Variants in EPB41L1 observed in about 807,000 individuals in gnomAD.
EPB41L1 encodes band 4.1-like protein 1.
In EPB41L1, 29 loss-of-function variants were observed where a neutral mutation model predicts 97.8. The observed-to-expected ratio is 0.30, with a 90% CI of 0.22 to 0.40. The LOEUF is 0.40. Ranked by LOEUF, EPB41L1 falls within the 10% of genes least tolerant of loss-of-function variation. EPB41L1 has a pLI of 1.00. For synonymous variants in EPB41L1, 383 were observed against 459.2 expected, an observed-to-expected ratio of 0.83 and a Z score of 2.12; for missense variants, 812 against 1,162.3, an observed-to-expected ratio of 0.70 and a Z score of 4.38.
At chr20:36,124,463 C>T (rs1052531435) in intron 2 of EPB41L1, among the ~76,000 whole-genome samples, 2 of 152,118 alleles carry the variant, frequency 1.3e-5, no homozygotes, top group African/African-American at 2.4e-5. Context: ...TGGTCATTTC[C>T]GTCAGCCACA....
At chr20:36,115,935 A>G (rs1445371048) in intron 2 of EPB41L1, among the ~76,000 whole-genome samples, 2 of 152,212 alleles carry the variant, frequency 1.3e-5, no homozygotes, top group Non-Finnish European at 2.9e-5. Context: ...TCCAGAGAGT[A>G]GGTTCTGTTA....
At chr20:36,187,609 C>G in intron 7 of EPB41L1, 67 bp from the exon 8 acceptor site, 1 of 1,330,840 alleles carries the variant, frequency 7.5e-7, no homozygotes, top group Non-Finnish European at 1.1e-6. Flanking sequence ...ATGGTGGGCA[C>G]CTTTGGACAG....
Position 36,206,369 on chromosome 20 carries a change from C to A in EPB41L1, c.1669-3119C>A. 1 of 1,289,932 alleles carries A rather than the reference C, an allele frequency of 7.8e-7. No individual in the cohort carries two copies. The highest frequency in any genetic ancestry group is 1.0e-6 in the Non-Finnish European group (1 of 988,884). The allele number at this position is 1,289,932 out of a possible 1,614,324, so 79.9% of individuals were successfully genotyped here. A position where few individuals can be genotyped will look rare whatever the true frequency, so the allele number is the denominator to read the frequency against. ...GAGGTGGACGTCCTCTCTCCAGCCT[C>A]CGACAAGGGAGGACTCCAGTCGTTT... On this transcript the variant is annotated intron_variant, in intron 14 of 21. Coordinates refer to ENST00000338074, the MANE Select transcript of EPB41L1 (RefSeq NM_012156.2). The surrounding 1 kb of genome is among the most constrained non-coding windows in gnomAD (Gnocchi z 5.5).
chr20:36,136,744 C>A (rs896012217), intron 2 of EPB41L1, among the ~76,000 whole-genome samples: 1 of 138,536 alleles, frequency 7.2e-6, no homozygotes, highest in Non-Finnish European at 1.5e-5. Flanking sequence ...TACCGTGGTA[C>A]CTGACTAATT....
rs959679910 is a variant in EPB41L1, at chr20:36,093,546, C to T, written c.-65+1934C>T. Among the ~76,000 whole-genome samples the T allele has an allele frequency of 3.3e-5, 5 of 152,052 alleles. No individual in the cohort carries two copies. Among genetic ancestry groups the T allele is most frequent in the Non-Finnish European group, 7.4e-5 (5 of 67,990 alleles). ...GGCGGCGGCGGGGGTGTCCCTTCCC[C>T]GTCGGGCAGAGACTCCCTGCTGGCA... On this transcript the variant is annotated intron_variant, in intron 1 of 19. Coordinates refer to the EPB41L1 transcript ENST00000202028. The surrounding 1 kb of genome is among the most constrained non-coding windows in gnomAD (Gnocchi z 5.4).
chr20:36,158,783 A>C (rs1202100426), intron 1 of EPB41L1, among the ~76,000 whole-genome samples: 3 of 152,170 alleles, frequency 2.0e-5, no homozygotes, highest in Non-Finnish European at 1.5e-5. Flanking sequence ...TATATAAAGC[A>C]CCTAGTGTAA....
At chr20:36,117,753 T>C (rs2147645054) in intron 2 of EPB41L1, among the ~76,000 whole-genome samples, 1 of 152,334 alleles carries the variant, frequency 6.6e-6, no homozygotes, top group East Asian at 1.9e-4. Context: ...TGGGACAGCC[T>C]CTGGCTGGCC....
Position 36,173,750 on chromosome 20 carries a change from T to C in EPB41L1, c.-14-14T>C, listed in dbSNP as rs1209864572. On this transcript the variant is annotated splice_polypyrimidine_tract_variant and intron_variant, in intron 1 of 21. Transcript: ENST00000338074. ...GTCCCTCCCTGTCACATGATCTCCT[T>C]CATGCCAATGCAGGCGTGCTGGTCA... is the stretch of plus-strand genomic sequence containing the variant. 1.2e-6 allele frequency: 2 copies of C among 1,613,528 alleles called. No individual in the cohort carries two copies. Among genetic ancestry groups the C allele is most frequent in the Admixed American group, 3.3e-5 (2 of 60,004 alleles).
At chr20:36,131,295 A>T (rs1040504983) in intron 2 of EPB41L1, among the ~76,000 whole-genome samples, 41 of 152,022 alleles carry the variant, frequency 2.7e-4, no homozygotes, top group Admixed American at 2.7e-3. Flanking sequence ...TTTTTAGTAA[A>T]GATGGGGTTT....
At position 36,182,798 on chromosome 20, in the gene EPB41L1, T is replaced by C. The variant is rs937099146; in HGVS notation, c.566+451T>C. Among the ~76,000 whole-genome samples, 5 of 152,298 alleles carry C rather than the reference T, an allele frequency of 3.3e-5. No homozygotes were observed. In the South Asian group the frequency reaches 6.2e-4, roughly 19 times the overall value. On this transcript the variant is annotated intron_variant, in intron 6 of 21. Coordinates refer to ENST00000338074, the MANE Select transcript of EPB41L1 (RefSeq NM_012156.2). Reference sequence around the variant, plus strand: ...CTCTGGGTGGGACATACCAAACCCATGTAAAAGCTGCTGTGCTGGGTGAGC... The same window carrying C: ...CTCTGGGTGGGACATACCAAACCCACGTAAAAGCTGCTGTGCTGGGTGAGC...
In EPB41L1 at chr20:36,115,350, G is replaced by A. The variant is rs536785546; in HGVS notation, c.-10+2870G>A. ...CTTTGCTTGTATGCACGGAGCTCAC[G>A]ACTTACAGAGGCAGCCCAGTTCCAG... is the stretch of plus-strand genomic sequence containing the variant. On this transcript the variant is annotated intron_variant, in intron 2 of 19. Coordinates refer to the EPB41L1 transcript ENST00000202028. Among the ~76,000 whole-genome samples the A allele has an allele frequency of 3.3e-5, 5 of 152,302 alleles. No individual in the cohort carries two copies. In the South Asian group the frequency reaches 6.2e-4, roughly 19 times the overall value.
chr20:36,170,630 G>A (rs966628910), intron 1 of EPB41L1, among the ~76,000 whole-genome samples: 1 of 152,190 alleles, frequency 6.6e-6, no homozygotes, highest in Non-Finnish European at 1.5e-5. Context: ...GGGGGGTTCT[G>A]TTGGGGTTTG....
chr20:36,207,793 G>C lies in EPB41L1; in HGVS notation c.1669-1695G>C. 7.8e-7 allele frequency: 1 copy of C among 1,283,748 alleles called. No homozygotes were observed. The highest frequency in any genetic ancestry group is 1.0e-6 in the Non-Finnish European group (1 of 985,054). 79.5% of individuals were successfully genotyped at this position (1,283,748 alleles called of 1,614,324 possible). A position where few individuals can be genotyped will look rare whatever the true frequency, so the allele number is the denominator to read the frequency against. On this transcript the variant is annotated intron_variant, in intron 14 of 21. Coordinates refer to ENST00000338074, the MANE Select transcript of EPB41L1 (RefSeq NM_012156.2). This position sits in a 1 kb window ranked among gnomAD's most constrained non-coding sequence, Gnocchi z 4.9. Reference sequence around the variant, plus strand: ...TACTGGAACTGGGGTAACTGGCCGCGTGAGCCCCCGCCCCCACCGCTGCTC... The same window carrying C: ...TACTGGAACTGGGGTAACTGGCCGCCTGAGCCCCCGCCCCCACCGCTGCTC...
At chr20:36,121,332 C>A (rs2058746548) in intron 2 of EPB41L1, among the ~76,000 whole-genome samples, 1 of 152,162 alleles carries the variant, frequency 6.6e-6, no homozygotes, top group Non-Finnish European at 1.5e-5. Flanking sequence ...GGGGTAGTGA[C>A]AAAGATGTCT....
intron 2 of EPB41L1, among the ~76,000 whole-genome samples, chr20:36,149,662 T>G (rs192700473): frequency 1.7e-3 from 260 of 152,292 alleles, no homozygotes; most frequent in Admixed American, 2.9e-3. Context: ...CCCAGAATGG[T>G]GGGTCATGCT....
intron 2 of EPB41L1, among the ~76,000 whole-genome samples, chr20:36,138,036 G>A (rs1219379754): frequency 2.0e-5 from 3 of 152,182 alleles, no homozygotes; most frequent in Non-Finnish European, 4.4e-5. Context: ...GTTGTCATAT[G>A]TATCAGAATT....
At chr20:36,213,658 G>GTT in intron 16 of EPB41L1, among the ~76,000 whole-genome samples, 2 of 151,950 alleles carry the variant, frequency 1.3e-5, no homozygotes, top group African/African-American at 4.8e-5. Flanking sequence ...ATTGGCCCTA[G>GTT]ATCCCACAGC....
rs186051911 is a variant in EPB41L1, at chr20:36,131,667, A to G, written c.-10+19187A>G. 2.2e-4 allele frequency among the ~76,000 whole-genome samples: 33 copies of G among 152,260 alleles called. No homozygotes were observed. The East Asian group carries it at 3.5e-3, about 16-fold the overall frequency. ...TTCTGTGCATGAAAGCATGGAAGAC[A>G]CTTGAAATACTACGGTAAGCCAGGA... On this transcript the variant is annotated intron_variant, in intron 2 of 19. Coordinates refer to the EPB41L1 transcript ENST00000202028.
chr20:36,155,059 C>A, intron 1 of EPB41L1, 163 bp downstream of exon 1: 1 of 675,276 alleles, frequency 1.5e-6, no homozygotes, highest in Non-Finnish European at 2.3e-6. Context: ...TCCTCCCTAC[C>A]TACCGGTCTG....
Sources: allele counts gnomAD v4.1 joint callset (sites outside exome capture counted in the v4.1 genomes callset), GRCh38; gene constraint gnomAD v4.1.1; non-coding constraint Gnocchi (gnomAD v3.1); transcripts MANE v1.5; gene names NCBI Gene and HGNC (gene_info 2026-07-23, HGNC 2026-07-21).